SCHIP1: variants seen among roughly 807,000 people sequenced by gnomAD.
SCHIP1 encodes the protein schwannomin-interacting protein 1.
SCHIP1 carries 8 observed loss-of-function variants against 29.7 expected under a neutral mutation model. The ratio of observed to expected loss-of-function variants is 0.27; its 90% CI spans 0.16 to 0.49. The LOEUF (loss-of-function observed/expected upper bound fraction) is 0.49. Among genes scored for constraint, SCHIP1 ranks in the 20% least tolerant of loss-of-function variants. SCHIP1 has a pLI of 0.99. For missense variants in SCHIP1, 193 were observed against 294.6 expected (o/e 0.66, Z 2.52); for synonymous variants, 76 against 94.9 (o/e 0.80, Z 1.16).
At chr3:159,510,993 G>A in the SCHIP1 span, among the ~76,000 whole-genome samples, 1 of 152,234 alleles carries the variant, frequency 6.6e-6, no homozygotes, top group African/African-American at 2.4e-5. Context: ...TCTCTTCAAA[G>A]CTGTCAAACA....
the SCHIP1 span, among the ~76,000 whole-genome samples, chr3:159,793,921 A>G: frequency 1.3e-5 from 2 of 151,716 alleles, no homozygotes; most frequent in African/African-American, 4.8e-5. Flanking sequence ...GCCCCACTTC[A>G]CTCTGACTTC....
chr3:159,402,529 C>A, the SCHIP1 span, among the ~76,000 whole-genome samples: 1 of 152,162 alleles, frequency 6.6e-6, no homozygotes, highest in Non-Finnish European at 1.5e-5. Context: ...TTGGAACCAA[C>A]CCAAATGTCC....
the SCHIP1 span, among the ~76,000 whole-genome samples, chr3:159,589,383 G>A: frequency 1.3e-5 from 2 of 152,120 alleles, no homozygotes; most frequent in Non-Finnish European, 2.9e-5. Flanking sequence ...GGGTTTTCTA[G>A]ATATACAGTC....
chr3:159,328,518 A>G, the SCHIP1 span, among the ~76,000 whole-genome samples: 1 of 146,686 alleles, frequency 6.8e-6, no homozygotes, highest in Non-Finnish European at 1.5e-5. Context: ...GTGGAACATG[A>G]TCAGAGTCTT....
At chr3:159,396,686 A>T in the SCHIP1 span, among the ~76,000 whole-genome samples, 2 of 152,142 alleles carry the variant, frequency 1.3e-5, no homozygotes, top group African/African-American at 4.8e-5. Context: ...CTGCTGAGAG[A>T]TCCGCTGTTA....
chr3:159,355,171 G>T, the SCHIP1 span, among the ~76,000 whole-genome samples: 1 of 152,062 alleles, frequency 6.6e-6, no homozygotes, highest in Non-Finnish European at 1.5e-5. Context: ...AGGACAGCTA[G>T]ATGCTTTTTT....
At chr3:159,578,999 T>C in the SCHIP1 span, among the ~76,000 whole-genome samples, 370 of 152,310 alleles carry the variant, frequency 2.4e-3, 1 homozygote, top group African/African-American at 8.6e-3. Flanking sequence ...TCAGTTTCCA[T>C]TGGACAATAC....
chr3:159,558,574 G>A, the SCHIP1 span, among the ~76,000 whole-genome samples: 52 of 152,274 alleles, frequency 3.4e-4, no homozygotes, highest in Middle Eastern at 6.8e-3. Flanking sequence ...TAAATCCATG[G>A]AGCTGGAGGA....
At chr3:159,657,910 A>G in the SCHIP1 span, among the ~76,000 whole-genome samples, 1,060 of 152,330 alleles carry the variant, frequency 7.0e-3, 13 homozygotes, top group African/African-American at 0.024. Flanking sequence ...ACTTATAGCT[A>G]TGAAGCTTCC....
chr3:159,412,528 A>G, the SCHIP1 span, among the ~76,000 whole-genome samples: 3 of 152,334 alleles, frequency 2.0e-5, no homozygotes, highest in South Asian at 6.2e-4. Flanking sequence ...GTGTACCACA[A>G]ACACCTGCAG....
At chr3:159,657,717 T>A in the SCHIP1 span, among the ~76,000 whole-genome samples, 1 of 152,166 alleles carries the variant, frequency 6.6e-6, no homozygotes, top group East Asian at 1.9e-4. Flanking sequence ...AATTGTTAGA[T>A]CCAATTTTAA....
chr3:159,640,536 T>C, the SCHIP1 span, among the ~76,000 whole-genome samples: 6 of 152,166 alleles, frequency 3.9e-5, no homozygotes, highest in Non-Finnish European at 2.9e-5. Context: ...TGAGTGTGTA[T>C]ACGTGTACAC....
chr3:159,361,592 A>G, the SCHIP1 span, among the ~76,000 whole-genome samples: 1 of 152,200 alleles, frequency 6.6e-6, no homozygotes, highest in Non-Finnish European at 1.5e-5. Flanking sequence ...GATATGACTT[A>G]CATTAAGAAG....
Position 159,858,328 on chromosome 3 carries a change from C to T in SCHIP1, c.31-7835C>T, listed in dbSNP as rs185400206. Among the ~76,000 whole-genome samples the T allele has an allele frequency of 3.0e-4, 46 of 152,302 alleles. 1 individual carries two copies. In the South Asian group the frequency reaches 9.1e-3, roughly 30 times the overall value. On this transcript the variant is annotated intron_variant, in intron 1 of 6. Coordinates refer to ENST00000445224, the Ensembl canonical transcript of SCHIP1. The stretch of plus-strand genomic sequence containing the variant: ...TCCACTGTATCCCTTGAGGAGTTAA[C>T]GTTGAAACACCTCCTCTACCGTAGC...
chr3:159,673,710 G>T, the SCHIP1 span, among the ~76,000 whole-genome samples: 3 of 152,166 alleles, frequency 2.0e-5, no homozygotes, highest in African/African-American at 7.2e-5. Flanking sequence ...TTGTCAGAGG[G>T]GAGAGCTGAG....
chr3:159,525,230 T>C, the SCHIP1 span, among the ~76,000 whole-genome samples: 1 of 152,246 alleles, frequency 6.6e-6, no homozygotes, highest in Non-Finnish European at 1.5e-5. Flanking sequence ...AGTTTATTTT[T>C]CTCCAATTTC....
At chr3:159,696,801 G>T in the SCHIP1 span, among the ~76,000 whole-genome samples, 6 of 152,180 alleles carry the variant, frequency 3.9e-5, no homozygotes, top group Non-Finnish European at 7.3e-5. Context: ...GTATGTACCA[G>T]GAAAAGAGAT....
At chr3:159,765,181 A>G in the SCHIP1 span, 1 of 1,515,028 alleles carries the variant, frequency 6.6e-7, no homozygotes. Context: ...ACACACGCGT[A>G]CACACCCCGC....
chr3:159,510,153 G>A, the SCHIP1 span, among the ~76,000 whole-genome samples: 5 of 152,158 alleles, frequency 3.3e-5, no homozygotes, highest in African/African-American at 9.7e-5. Flanking sequence ...ATTTCTTGGA[G>A]GCTATGTTCA....
Sources: allele counts gnomAD v4.1 joint callset (sites outside exome capture counted in the v4.1 genomes callset), GRCh38; gene constraint gnomAD v4.1.1; transcripts MANE v1.5; gene names NCBI Gene and HGNC (gene_info 2026-07-23, HGNC 2026-07-21).